The following ZNF16 variants were observed in gnomAD, a reference collection of about 807,000 sequenced individuals.
ZNF16 encodes zinc finger protein 16.
In ZNF16, 7 loss-of-function variants were observed where a neutral mutation model predicts 9.0. The ratio of observed to expected loss-of-function variants is 0.78; its 90% CI spans 0.44 to 1.47. The LOEUF is 1.47. Among genes scored for constraint, ZNF16 ranks in the 40% most tolerant of loss-of-function variants. The pLI is 0.01. For synonymous variants in ZNF16, 312 were observed against 301.5 expected (o/e 1.03, Z -0.36); for missense variants, 830 against 854.2 (o/e 0.97, Z 0.35).
intron 2 of ZNF16, among the ~76,000 whole-genome samples, chr8:144,941,340 C>T (rs1199019593): frequency 6.6e-6 from 1 of 151,924 alleles, no homozygotes. Context: ...TCTATTTTGT[C>T]TAATATTGGT....
rs184848476 is a variant in ZNF16, at chr8:144,933,772, G to T, written c.197-1182C>A. 6.6e-6 allele frequency among the ~76,000 whole-genome samples: 1 copy of T among 152,156 alleles called. No individual in the cohort carries two copies. The highest frequency in any genetic ancestry group is 2.1e-4 in the South Asian group (1 of 4,830). On this transcript the variant is annotated intron_variant, in intron 2 of 2. Coordinates refer to ENST00000394909, the MANE Select transcript of ZNF16 (RefSeq NM_006958.3). The surrounding 1 kb of genome is among the most constrained non-coding windows in gnomAD (Gnocchi z 5.6). ...TCCACCTTTGGGTCTGCCTTGCCCA[G>T]AGCACTCTCCACATGGCCCTCGTGC... is the stretch of plus-strand genomic sequence containing the variant.
At position 144,931,315 on chromosome 8, in the gene ZNF16, C is replaced by A; in HGVS notation, c.1472G>T (p.Cys491Phe). ...GCTGAAGGCCTTCCCACAGACACTG[C>A]ATCTGTACGGCTTCTCTCCCGTGTG... Reference protein sequence around the residue: ...IIHTGEKPYRCSVCGKAFSHS... With the variant: ...IIHTGEKPYRFSVCGKAFSHS... The change falls in exon 3 of 3, where the codon TGC becomes TTC. Residue 491 changes from cysteine (C) to phenylalanine (F), a missense_variant. Physicochemically the swap from Cys to Phe is radical, Grantham distance 205. Coordinates refer to ENST00000394909, the MANE Select transcript of ZNF16 (RefSeq NM_006958.3). 1 of 1,614,224 alleles carries A rather than the reference C, an allele frequency of 6.2e-7. No homozygotes were observed. Among genetic ancestry groups the A allele is most frequent in the Non-Finnish European group, 8.5e-7 (1 of 1,180,030 alleles).
At position 144,931,236 on chromosome 8, in the gene ZNF16, G is replaced by T. The variant is rs146224328; in HGVS notation, c.1551C>A (p.Tyr517Ter). Residue 517 changes from tyrosine to a stop codon, truncating the protein, a stop_gained, in exon 3 of 3, where the codon TAC (tyrosine) becomes TAA (stop). Coordinates refer to ENST00000394909, the MANE Select transcript of ZNF16 (RefSeq NM_006958.3). LOFTEE classifies it low-confidence loss of function (END_TRUNC). ...HQGVHTGDKP[Y>*]ACHECGKTFG... ...AGGTCTTCCCACACTCGTGGCAGGCGTAGGGCTTGTCGCCTGTGTGCACGC... is the reference window on the plus strand; with the variant it reads ...AGGTCTTCCCACACTCGTGGCAGGCTTAGGGCTTGTCGCCTGTGTGCACGC... 1 of 1,613,060 alleles carries T rather than the reference G, an allele frequency of 6.2e-7. No individual in the cohort carries two copies. Among genetic ancestry groups the T allele is most frequent in the South Asian group, 1.1e-5 (1 of 91,024 alleles).
intron 1 of ZNF16, among the ~76,000 whole-genome samples, chr8:144,946,962 G>A (rs71515637): frequency 1.5e-4 from 14 of 95,192 alleles, no homozygotes; most frequent in East Asian, 3.2e-4. Flanking sequence ...GTGGGCCTGT[G>A]TCCTGCTGTG....
chr8:144,931,983 G>A lies in ZNF16; in HGVS notation c.804C>T (p.Ser268=), dbSNP rs200250011. 2.3e-5 allele frequency: 37 copies of A among 1,613,718 alleles called. No homozygotes were observed. The highest frequency in any genetic ancestry group is 8.8e-5 in the South Asian group (8 of 91,068). Residue 268 remains serine, a synonymous_variant, in exon 3 of 3, where the codon AGC becomes AGT. Coordinates refer to ENST00000394909, the MANE Select transcript of ZNF16 (RefSeq NM_006958.3). Reference sequence around the variant, plus strand: ...GCCCTCGGAAGGCTTTCCCACATTCGCTGCACTGGTAAGCTTTCTCACTCA... The same window carrying A: ...GCCCTCGGAAGGCTTTCCCACATTCACTGCACTGGTAAGCTTTCTCACTCA... ...SHMSEKAYQC[S]ECGKAFRGHS...
chr8:144,947,346 GTCCTGTTGTGGGGCCTGTA>G (rs1457740505), intron 1 of ZNF16, among the ~76,000 whole-genome samples: 26 of 141,514 alleles, frequency 1.8e-4, no homozygotes, highest in African/African-American at 6.0e-4. Flanking sequence ...GTGGGCCTGT[GTCCTGTTGTGGGGCCTGTA>G]TCCTGCTGTG....
At chr8:144,949,879 G>C (rs75961918) in intron 1 of ZNF16, among the ~76,000 whole-genome samples, 1 of 152,222 alleles carries the variant, frequency 6.6e-6, no homozygotes, top group Non-Finnish European at 1.5e-5. Context: ...CGCCCGTAAA[G>C]GGTCTGTGTT....
Position 144,931,169 on chromosome 8 carries a change from T to C in ZNF16, c.1618A>G (p.Thr540Ala), listed in dbSNP as rs1253326961. 5 of 1,614,082 alleles carry C rather than the reference T, an allele frequency of 3.1e-6. No homozygotes were observed. The highest frequency in any genetic ancestry group is 3.3e-4 in the Middle Eastern group (2 of 6,084). ...GTACATTCATAGGGCTTCTCTCCAG[T>C]GTGGACTCGCTGGTGAAGGATGAGG... ...SNLILHQRVH[T>A]GEKPYECTEC... is the part of the protein sequence containing the mutation. The change falls in exon 3 of 3, where the codon ACT becomes GCT. Residue 540 changes from threonine (T) to alanine (A), a missense_variant. Thr to Ala is a moderately conservative substitution (Grantham distance 58). Coordinates refer to ENST00000394909, the MANE Select transcript of ZNF16 (RefSeq NM_006958.3).
chr8:144,940,543 G>A (rs374571863), intron 2 of ZNF16, among the ~76,000 whole-genome samples: 5 of 152,210 alleles, frequency 3.3e-5, no homozygotes, highest in East Asian at 3.9e-4. Context: ...CAGTTTCCCC[G>A]CTGTTGCTGG....
chr8:144,930,943 T>C lies in ZNF16; in HGVS notation c.1844A>G (p.His615Arg). Residue 615 changes from histidine to arginine, a missense_variant, in exon 3 of 3, where the codon CAC (histidine) becomes CGC (arginine). By Grantham distance (29) the His-to-Arg change is conservative. Transcript: ENST00000394909. ...GTGGATTATCTGATGCTGAATGAGG[T>C]GTGAGCTCTGGCTGAAGCCCTTACC... The part of the protein sequence containing the change: ...ECGKGFSQSS[H>R]LIQHQIIHTG... 2 of 1,613,316 alleles carry C rather than the reference T, an allele frequency of 1.2e-6. No individual in the cohort carries two copies. Among genetic ancestry groups the C allele is most frequent in the East Asian group, 4.5e-5 (2 of 44,822 alleles).
chr8:144,950,134 A>T lies in ZNF16; in HGVS notation c.-10+663T>A, dbSNP rs4925852. On this transcript the variant is annotated intron_variant, in intron 1 of 2. Coordinates refer to ENST00000394909, the MANE Select transcript of ZNF16 (RefSeq NM_006958.3). ...AGAAACAAATCTGGCCTACGTGCCC[A>T]TCCAGGCATAGTACCTCCCCTTAAA... Among the ~76,000 whole-genome samples the T allele has an allele frequency of 1.5e-4, 23 of 151,838 alleles. No homozygotes were observed. The South Asian group carries it at 4.8e-3, about 32-fold the overall frequency.
chr8:144,938,929 C>CT lies in ZNF16; in HGVS notation c.197-6340dup, dbSNP rs35523139. 3.1e-3 allele frequency among the ~76,000 whole-genome samples: 455 copies of CT among 147,580 alleles called. 8 individuals are homozygous for CT. The East Asian group carries it at 0.044, about 14-fold the overall frequency. On this transcript the variant is annotated intron_variant, in intron 2 of 2. Transcript: ENST00000394909. ...TCTTCTATTACAAGTTTTATGAATG[C>CT]TTTTTTTTTTTAACTGTGAAAGTGT...
intron 2 of ZNF16, among the ~76,000 whole-genome samples, chr8:144,941,742 T>G (rs972393438): frequency 6.6e-6 from 1 of 151,258 alleles, no homozygotes; most frequent in Non-Finnish European, 1.5e-5. Context: ...TACTGCAACC[T>G]CTGCCTCCCA....
At chr8:144,940,845 G>A (rs1032271382) in intron 2 of ZNF16, among the ~76,000 whole-genome samples, 2 of 152,194 alleles carry the variant, frequency 1.3e-5, no homozygotes, top group Admixed American at 1.3e-4. Flanking sequence ...GTTCCTCCTA[G>A]GTATTCCCTT....
chr8:144,934,032 G>C (rs1160340566), intron 2 of ZNF16, among the ~76,000 whole-genome samples: 1 of 152,148 alleles, frequency 6.6e-6, no homozygotes, highest in African/African-American at 2.4e-5. Context: ...CGTCCACTCT[G>C]CTCCCTCCCT....
chr8:144,943,331 T>C (rs1322999225), intron 2 of ZNF16, among the ~76,000 whole-genome samples: 1 of 147,570 alleles, frequency 6.8e-6, no homozygotes, highest in East Asian at 2.0e-4. Context: ...TCTCTTTAAA[T>C]AGACTCTACT....
At chr8:144,946,605 GT>G (rs1291613332) in intron 1 of ZNF16, among the ~76,000 whole-genome samples, 5,040 of 95,368 alleles carry the variant, frequency 0.053, 199 homozygotes, top group African/African-American at 0.087. Context: ...GTATCCTGCT[GT>G]TGGGCTTGTG....
chr8:144,949,555 CTGT>C (rs1485271623), intron 1 of ZNF16, among the ~76,000 whole-genome samples: 2 of 152,334 alleles, frequency 1.3e-5, no homozygotes, highest in African/African-American at 2.4e-5. Context: ...TGCTGAGATG[CTGT>C]TAATTTGTAA....
intron 1 of ZNF16, 57 bp from the exon 2 acceptor site, chr8:144,946,272 T>C: frequency 1.4e-6 from 2 of 1,399,130 alleles, no homozygotes; most frequent in East Asian, 2.5e-5. Flanking sequence ...TAGGGATTCA[T>C]CCTCCCATCA....
Sources: gnomAD v4.1 joint callset for allele counts (sites outside exome capture counted in the v4.1 genomes callset) on GRCh38, gnomAD v4.1.1 for gene constraint, Gnocchi (gnomAD v3.1) non-coding constraint, MANE v1.5 for transcripts, NCBI Gene and HGNC (gene_info 2026-07-23, HGNC 2026-07-21) for gene names.